Variants in PADI4 observed in about 807,000 individuals in gnomAD.
PADI4 encodes the protein peptidyl arginine deiminase 4.
Under a neutral mutation model 75.0 loss-of-function variants are expected in PADI4, and 62 were observed. The observed-to-expected ratio is 0.83, with a 90% CI of 0.67 to 1.02. The LOEUF (loss-of-function observed/expected upper bound fraction) is 1.02, where lower values mean the gene tolerates loss of function less well. Among genes scored for constraint, PADI4 ranks in the 50% least tolerant of loss-of-function variants. The probability of loss-of-function intolerance (pLI) is 0.00; values close to 1 mark genes in which losing one functional copy is unlikely to be tolerated. For synonymous variants in PADI4, 361 were observed against 348.1 expected (o/e 1.04, Z -0.41); for missense variants, 845 against 850.5 (o/e 0.99, Z 0.08).
chr1:17,356,203 TTACTTGTC>T lies in PADI4; in HGVS notation c.1455+79_1455+86del, dbSNP rs1261844970. ...CCCTCTGCCTGGGGTGGGAGCAACT[TTACTTGTC>T]TATTTCTCCTTCACCCTTAGGATGG... On this transcript the variant is annotated intron_variant, in intron 12 of 15. Transcript: ENST00000375448. This position sits in a 1 kb window ranked among gnomAD's most constrained non-coding sequence, Gnocchi z 4.1. 7.3e-6 allele frequency: 11 copies of T among 1,511,882 alleles called. No individual in the cohort carries two copies. Among genetic ancestry groups the T allele is most frequent in the Non-Finnish European group, 9.1e-6 (10 of 1,103,276 alleles). The allele number at this position is 1,511,882 out of a possible 1,614,324, so 93.7% of individuals were successfully genotyped here.
intron 10 of PADI4, 50 bp from the exon 11 acceptor site, chr1:17,354,483 A>T (rs751409339): frequency 1.9e-6 from 3 of 1,581,212 alleles, no homozygotes; most frequent in Non-Finnish European, 2.6e-6. Flanking sequence ...CCGACCCTTC[A>T]CCAGGGACCT....
intron 10 of PADI4, among the ~76,000 whole-genome samples, chr1:17,353,378 C>T (rs920299299): frequency 6.6e-6 from 1 of 152,000 alleles, no homozygotes. Context: ...GAGACGGGAC[C>T]GTGATCCTTT....
At chr1:17,331,778 C>T (rs71644035) in intron 2 of PADI4, among the ~76,000 whole-genome samples, 2,444 of 152,134 alleles carry the variant, frequency 0.016, 33 homozygotes, top group Non-Finnish European at 0.024. Flanking sequence ...ATTAGCTGGG[C>T]GTAGTGGCGA....
chr1:17,311,577 T>A (rs577551108), intron 1 of PADI4, among the ~76,000 whole-genome samples: 1 of 151,260 alleles, frequency 6.6e-6, no homozygotes, highest in South Asian at 2.1e-4. Context: ...CAGGCTGGAG[T>A]GCAGTGGCAA....
At chr1:17,338,234 C>T in intron 5 of PADI4, 79 bp downstream of exon 5, 1 of 865,870 alleles carries the variant, frequency 1.2e-6, no homozygotes. Flanking sequence ...TGGTGACGGC[C>T]CTCTGAAATA....
chr1:17,352,196 A>T (rs374174410), intron 10 of PADI4, among the ~76,000 whole-genome samples: 2,028 of 98,778 alleles, frequency 0.021, 34 homozygotes, highest in African/African-American at 0.028. Flanking sequence ...GTCAGGGAGG[A>T]GATGGGAGGT....
intron 11 of PADI4, among the ~76,000 whole-genome samples, chr1:17,354,897 C>G (rs575600964): frequency 1.3e-5 from 2 of 152,348 alleles, no homozygotes; most frequent in South Asian, 4.1e-4. Flanking sequence ...CACTTACCCT[C>G]TTTCAGTCAG....
chr1:17,351,983 AGG>A (rs1491444279), intron 10 of PADI4, among the ~76,000 whole-genome samples: 631 of 32,058 alleles, frequency 0.02, 44 homozygotes, highest in Admixed American at 0.042. Flanking sequence ...AGGTGATGGG[AGG>A]AGAGGCAGTC....
intron 11 of PADI4, 105 bp from the exon 12 acceptor site, chr1:17,355,878 C>T (rs2074750226): frequency 6.3e-6 from 7 of 1,118,748 alleles, no homozygotes; most frequent in African/African-American, 1.5e-5. Context: ...GCATCCCTTT[C>T]TCAGCTGAAG....
chr1:17,342,427 T>G (rs1570055101), intron 8 of PADI4, 25 bp downstream of exon 8: 1 of 1,441,478 alleles, frequency 6.9e-7, no homozygotes, highest in Non-Finnish European at 9.8e-7. Context: ...GGTGCTGGGG[T>G]GGGTCCAGAC....
chr1:17,352,277 T>TG (rs537789635), intron 10 of PADI4, among the ~76,000 whole-genome samples: 10 of 139,998 alleles, frequency 7.1e-5, no homozygotes, highest in African/African-American at 3.0e-4. Flanking sequence ...TGGGAGGAGA[T>TG]GGGGGGCAGT....
In PADI4 at chr1:17,343,440, G is replaced by C. The variant is rs147136619; in HGVS notation, c.935+1038G>C. Among the ~76,000 whole-genome samples the C allele has an allele frequency of 9.2e-5, 14 of 152,182 alleles. 1 individual carries two copies. The highest frequency in any genetic ancestry group is 1.2e-4 in the African/African-American group (5 of 41,528). On this transcript the variant is annotated intron_variant, in intron 8 of 15. Coordinates refer to ENST00000375448, the MANE Select transcript of PADI4 (RefSeq NM_012387.3). ...GGGCAGAAGAGTAAGAGGGTAATGTGGTCAGGACGCAGGCTGGAATCCAGT... is the reference window on the plus strand; with the variant it reads ...GGGCAGAAGAGTAAGAGGGTAATGTCGTCAGGACGCAGGCTGGAATCCAGT...
At position 17,339,829 on chromosome 1, in the gene PADI4, C is replaced by T; in HGVS notation, c.652+16C>T. 1 of 1,588,224 alleles carries T rather than the reference C, an allele frequency of 6.3e-7. No individual in the cohort carries two copies. Among genetic ancestry groups the T allele is most frequent in the Non-Finnish European group, 8.6e-7 (1 of 1,166,376 alleles). ...CAGGCCACACGTAAGTCATCCCCAT[C>T]TTTGTTCCCCTCCTGCCCTGGCCAA... is the stretch of plus-strand genomic sequence containing the variant. On this transcript the variant is annotated intron_variant, in intron 6 of 15. Coordinates refer to ENST00000375448, the MANE Select transcript of PADI4 (RefSeq NM_012387.3).
At position 17,358,340 on chromosome 1, in the gene PADI4, G is replaced by A. The variant is rs548415231; in HGVS notation, c.1559-498G>A. On this transcript the variant is annotated intron_variant, in intron 13 of 15. Transcript: ENST00000375448. ...CCCAGCACTTTGGGAGGCCGAGGCG[G>A]GCGGATCACGAGGTCAGGAGATCGA... is the stretch of plus-strand genomic sequence containing the variant. 3.2e-4 allele frequency among the ~76,000 whole-genome samples: 4 copies of A among 12,384 alleles called. 2 individuals carry two copies. The highest frequency in any genetic ancestry group is 3.1e-3 in the South Asian group (2 of 642). The allele number at this position is 12,384 out of a possible 152,430, so 8.1% of individuals were successfully genotyped here.
Position 17,352,039 on chromosome 1 carries a change from GAGAGGCAGTCAGGGAGGTGA to G in PADI4, c.1156-2493_1156-2474del, listed in dbSNP as rs1557576748. On this transcript the variant is annotated intron_variant, in intron 10 of 15. Transcript: ENST00000375448. ...GAGGCGGCCAGGGAGGTGATGGGAG[GAGAGGCAGTCAGGGAGGTGA>G]TGGGAGGTGGGAAGAGAGGCAGTCA... Among the ~76,000 whole-genome samples, 154 of 26,786 alleles carry G rather than the reference GAGAGGCAGTCAGGGAGGTGA, an allele frequency of 5.7e-3. 6 individuals carry two copies. The highest frequency in any genetic ancestry group is 0.027 in the Middle Eastern group (2 of 74). The allele number at this position is 26,786 out of a possible 152,430, so 17.6% of individuals were successfully genotyped here.
chr1:17,346,655 A>G lies in PADI4; in HGVS notation c.1047+516A>G, dbSNP rs1446232792. ...TCTGTTTCCGTGCCACTCCCCCATC[A>G]TGCCAGGAGTGCCCCAAGGACTGAG... On this transcript the variant is annotated intron_variant, in intron 9 of 15. Transcript: ENST00000375448. This position sits in a 1 kb window ranked among gnomAD's most constrained non-coding sequence, Gnocchi z 4.3. Among the ~76,000 whole-genome samples, 1 of 152,062 alleles carries G rather than the reference A, an allele frequency of 6.6e-6. No individual in the cohort carries two copies. Among genetic ancestry groups the G allele is most frequent in the East Asian group, 1.9e-4 (1 of 5,148 alleles).
At chr1:17,335,938 G>A (rs113475583) in intron 3 of PADI4, among the ~76,000 whole-genome samples, 21,783 of 152,292 alleles carry the variant, frequency 0.14, 2,092 homozygotes, top group Non-Finnish European at 0.21. Context: ...AACAGGTGTG[G>A]TCAGAGGCCC....
At chr1:17,308,398 T>C in intron 1 of PADI4, 84 bp downstream of exon 1, 1 of 1,091,666 alleles carries the variant, frequency 9.2e-7, no homozygotes, top group Non-Finnish European at 1.4e-6. Flanking sequence ...AGCATGTGTT[T>C]GGCCCAGGCT....
intron 6 of PADI4, among the ~76,000 whole-genome samples, chr1:17,340,656 G>C (rs2074401076): frequency 1.3e-5 from 2 of 152,004 alleles, no homozygotes; most frequent in Admixed American, 6.6e-5. Context: ...AGAGGGGAAG[G>C]GGGAGGTCAG....
Sources: allele counts gnomAD v4.1 joint callset (sites outside exome capture counted in the v4.1 genomes callset), GRCh38; gene constraint gnomAD v4.1.1; non-coding constraint Gnocchi (gnomAD v3.1); transcripts MANE v1.5; gene names NCBI Gene and HGNC (gene_info 2026-07-23, HGNC 2026-07-21).